MPV17L: variants seen among roughly 807,000 people sequenced by gnomAD.
The protein encoded by MPV17L is mpv17-like protein.
MPV17L carries 24 observed loss-of-function variants against 25.8 expected under a neutral mutation model. That is an observed-to-expected ratio of 0.93 (90% confidence interval 0.67 to 1.31). The LOEUF (loss-of-function observed/expected upper bound fraction) is 1.31. Among genes scored for constraint, MPV17L ranks in the 50% most tolerant of loss-of-function variants. The probability of loss-of-function intolerance (pLI) is 0.00; values close to 1 mark genes in which losing one functional copy is unlikely to be tolerated. For synonymous variants in MPV17L, 102 were observed against 115.3 expected, an observed-to-expected ratio of 0.88 and a Z score of 0.74; for missense variants, 250 against 265.6, an observed-to-expected ratio of 0.94 and a Z score of 0.41.
intron 2 of MPV17L, among the ~76,000 whole-genome samples, chr16:15,403,605 G>A (rs2050657561): frequency 6.6e-6 from 1 of 151,074 alleles, no homozygotes. Context: ...CTGGGAGGTC[G>A]AGGCTGCAGT....
intron 2 of MPV17L, among the ~76,000 whole-genome samples, chr16:15,401,163 AATGCAGTGGCATGGTC>A (rs2050638223): frequency 7.1e-6 from 1 of 140,676 alleles, no homozygotes; most frequent in Admixed American, 7.6e-5. Flanking sequence ...CCCAGGCTGG[AATGCAGTGGCATGGTC>A]ATGGCTCACT....
intron 2 of MPV17L, among the ~76,000 whole-genome samples, chr16:15,403,963 C>T (rs1229730440): frequency 2.0e-5 from 3 of 151,400 alleles, no homozygotes; most frequent in South Asian, 2.1e-4. Flanking sequence ...GTCAAGGGAT[C>T]GAGCCCATCC....
At position 15,412,338 on chromosome 16, in the gene MPV17L, G is replaced by A. The variant is rs1291606536; in HGVS notation, c.*4226G>A. The stretch of plus-strand genomic sequence containing the variant: ...CAGCTACTTGGGGGTGCTGAGGCAG[G>A]AGGATCACTCAAGCCCAGGAGGTGG... On this transcript the variant is annotated 3_prime_UTR_variant, in exon 4 of 4. Transcript: ENST00000396385. 2 of 151,930 alleles carry A rather than the reference G, an allele frequency of 1.3e-5. No individual in the cohort carries two copies. The highest frequency in any genetic ancestry group is 2.9e-5 in the Non-Finnish European group (2 of 68,136). The allele number at this position is 151,930 out of a possible 1,614,324, so 9.4% of individuals were successfully genotyped here.
intron 2 of MPV17L, among the ~76,000 whole-genome samples, chr16:15,404,203 G>A (rs1458782644): frequency 6.6e-6 from 1 of 152,170 alleles, no homozygotes; most frequent in Admixed American, 6.6e-5. Context: ...TTGACAATGC[G>A]TAAAGCACCA....
At chr16:15,400,165 A>C (rs2050620468) in intron 1 of MPV17L, among the ~76,000 whole-genome samples, 1 of 152,166 alleles carries the variant, frequency 6.6e-6, no homozygotes, top group African/African-American at 2.4e-5. Context: ...AACATTTCAC[A>C]AAATGTTTGG....
At chr16:15,404,800 T>A (rs1163527179) in intron 2 of MPV17L, among the ~76,000 whole-genome samples, 3 of 151,988 alleles carry the variant, frequency 2.0e-5, no homozygotes. Context: ...CCAGCCTGGG[T>A]GACAGAGCAA....
intron 1 of MPV17L, among the ~76,000 whole-genome samples, chr16:15,399,049 T>C (rs2050611698): frequency 6.8e-6 from 1 of 147,242 alleles, no homozygotes; most frequent in Non-Finnish European, 1.5e-5. Context: ...ACCAGAGTCG[T>C]AACAGATTAA....
At chr16:15,403,833 A>T (rs1323135138) in intron 2 of MPV17L, among the ~76,000 whole-genome samples, 2 of 152,058 alleles carry the variant, frequency 1.3e-5, no homozygotes, top group Non-Finnish European at 2.9e-5. Flanking sequence ...AAGAGGGCAA[A>T]CCAGTAGTCT....
intron 1 of MPV17L, among the ~76,000 whole-genome samples, chr16:15,400,195 A>G (rs143910827): frequency 1.3e-5 from 2 of 152,292 alleles, no homozygotes; most frequent in Non-Finnish European, 2.9e-5. Context: ...AAAGTAACCA[A>G]TAGACCCACT....
At position 15,412,540 on chromosome 16, in the gene MPV17L, GAC is replaced by G. The variant is rs940888759; in HGVS notation, c.*4430_*4431del. On this transcript the variant is annotated 3_prime_UTR_variant, in exon 4 of 4. Transcript: ENST00000396385. The stretch of plus-strand genomic sequence containing the variant: ...ACTACAATTGACCAAGTTAAGTGTA[GAC>G]AGTCTCTTTAATAGAGAGATTATCT... The G allele has an allele frequency of 1.3e-5, 2 of 151,266 alleles. No individual in the cohort carries two copies. Among genetic ancestry groups the G allele is most frequent in the Non-Finnish European group, 2.9e-5 (2 of 67,928 alleles). 9.4% of individuals were successfully genotyped at this position (151,266 alleles called of 1,614,324 possible).
At chr16:15,403,141 G>A (rs1366369364) in intron 2 of MPV17L, among the ~76,000 whole-genome samples, 10 of 151,140 alleles carry the variant, frequency 6.6e-5, no homozygotes, top group Non-Finnish European at 1.2e-4. Context: ...AGGTGGAGGC[G>A]GGTAGATCAC....
Position 15,408,935 on chromosome 16 carries a change from C to G in MPV17L, c.*823C>G, listed in dbSNP as rs188016390. ...TAGCTGGGACTACAGGCACCTGCCACGATGCCTAGCTAATTTTTTGTATTT... is the reference window on the plus strand; with the variant it reads ...TAGCTGGGACTACAGGCACCTGCCAGGATGCCTAGCTAATTTTTTGTATTT... On this transcript the variant is annotated 3_prime_UTR_variant, in exon 4 of 4. Coordinates refer to ENST00000396385, the MANE Select transcript of MPV17L (RefSeq NM_001128423.2). The G allele has an allele frequency of 1.3e-5, 2 of 152,062 alleles. No homozygotes were observed. The highest frequency in any genetic ancestry group is 2.9e-5 in the Non-Finnish European group (2 of 68,158). The allele number at this position is 152,062 out of a possible 1,614,324, so 9.4% of individuals were successfully genotyped here.
chr16:15,402,924 G>A (rs1307551269), intron 2 of MPV17L, among the ~76,000 whole-genome samples: 7 of 151,950 alleles, frequency 4.6e-5, no homozygotes, highest in Non-Finnish European at 8.8e-5. Context: ...CAGGTGATCC[G>A]CCTCCCTCAG....
intron 2 of MPV17L, among the ~76,000 whole-genome samples, chr16:15,402,776 A>G (rs1439566076): frequency 6.6e-6 from 1 of 152,004 alleles, no homozygotes; most frequent in African/African-American, 2.4e-5. Flanking sequence ...GGTTCAAGCA[A>G]TTCTCAATTC....
Position 15,408,223 on chromosome 16 carries a change from T to C in MPV17L, c.*111T>C, listed in dbSNP as rs1247292413. 3.9e-6 allele frequency: 3 copies of C among 771,824 alleles called. No homozygotes were observed. The highest frequency in any genetic ancestry group is 6.2e-6 in the Non-Finnish European group (3 of 487,542). The allele number at this position is 771,824 out of a possible 1,614,324, so 47.8% of individuals were successfully genotyped here. A position where few individuals can be genotyped will look rare whatever the true frequency, so the allele number is the denominator to read the frequency against. ...TATGCACTTCATTTTGAGGAATTAC[T>C]ACTATTTATAGACCCACTTTTTAAA... is the stretch of plus-strand genomic sequence containing the variant. On this transcript the variant is annotated 3_prime_UTR_variant, in exon 4 of 4. Transcript: ENST00000396385.
Position 15,396,003 on chromosome 16 carries a change from C to G in MPV17L, c.106C>G (p.Gln36Glu), listed in dbSNP as rs866378008. 1.3e-6 allele frequency: 2 copies of G among 1,520,442 alleles called. No homozygotes were observed. The highest frequency in any genetic ancestry group is 1.8e-6 in the Non-Finnish European group (2 of 1,140,496). 94.2% of individuals were successfully genotyped at this position (1,520,442 alleles called of 1,614,324 possible). ...SLVSAGDALQ[Q>E]RLQGREANWR... ...CGTCTCGGCCGGGGACGCGCTGCAA[C>G]AGCGGCTGCAGGGCCGCGAGGCCAA... The change falls in exon 1 of 4, where the codon CAG becomes GAG. Residue 36 changes from glutamine (Q) to glutamate (E), a missense_variant. Gln to Glu is a conservative substitution (Grantham distance 29). Coordinates refer to ENST00000396385, the MANE Select transcript of MPV17L (RefSeq NM_001128423.2).
chr16:15,404,828 A>G (rs1465108689), intron 2 of MPV17L, among the ~76,000 whole-genome samples: 2 of 152,166 alleles, frequency 1.3e-5, no homozygotes, highest in Non-Finnish European at 2.9e-5. Context: ...TCTCAAAACA[A>G]ACAAACAAAC....
At chr16:15,397,568 A>G (rs2050598181) in intron 1 of MPV17L, among the ~76,000 whole-genome samples, 1 of 152,024 alleles carries the variant, frequency 6.6e-6, no homozygotes, top group Non-Finnish European at 1.5e-5. Context: ...TGGGGTGGGT[A>G]ACTGGGGAGA....
At position 15,408,411 on chromosome 16, in the gene MPV17L, G is replaced by A; in HGVS notation, c.*299G>A. 4.3e-6 allele frequency: 1 copy of A among 230,724 alleles called. No homozygotes were observed. Among genetic ancestry groups the A allele is most frequent in the Non-Finnish European group, 8.4e-6 (1 of 119,610 alleles). The allele number at this position is 230,724 out of a possible 1,614,324, so 14.3% of individuals were successfully genotyped here. A position where few individuals can be genotyped will look rare whatever the true frequency, so the allele number is the denominator to read the frequency against. On this transcript the variant is annotated 3_prime_UTR_variant, in exon 4 of 4. Transcript: ENST00000396385. ...TTTAACACAAGTTTCAGGAAACTTG[G>A]TTTTGATTGTTCACATTTCTATTCT...
Sources: allele counts gnomAD v4.1 joint callset (sites outside exome capture counted in the v4.1 genomes callset), GRCh38; gene constraint gnomAD v4.1.1; transcripts MANE v1.5; gene names NCBI Gene and HGNC (gene_info 2026-07-23, HGNC 2026-07-21).